The following LY75 variants were observed in gnomAD, a reference collection of about 807,000 sequenced individuals.
LY75 encodes the protein C-type lectin domain family 13 member B.
A neutral mutation model predicts 231.7 loss-of-function variants in LY75; 185 were observed. That is an observed-to-expected ratio of 0.80 (90% CI 0.71 to 0.90). The LOEUF (loss-of-function observed/expected upper bound fraction) is 0.90, where lower values mean the gene tolerates loss of function less well. Ranked by LOEUF, LY75 falls within the 40% of genes least tolerant of loss-of-function variation. The probability of loss-of-function intolerance (pLI) is 0.00; values close to 1 mark genes in which losing one functional copy is unlikely to be tolerated. For synonymous variants in LY75, 668 were observed against 689.0 expected (o/e 0.97, Z 0.48); for missense variants, 1,947 against 2,050.2 (o/e 0.95, Z 0.97).
intron 32 of LY75, 118 bp downstream of exon 32, chr2:159,810,408 G>C: frequency 7.3e-7 from 1 of 1,372,212 alleles, no homozygotes; most frequent in Non-Finnish European, 9.8e-7. Flanking sequence ...AGCGCTATTA[G>C]AAATGGAAAG....
chr2:159,845,951 TA>T (rs1684189553), intron 23 of LY75, among the ~76,000 whole-genome samples: 1 of 151,592 alleles, frequency 6.6e-6, no homozygotes, highest in Non-Finnish European at 1.5e-5. Flanking sequence ...TATATTGCTA[TA>T]TTGTTTTCTC....
chr2:159,877,048 GA>G (rs990083631), intron 11 of LY75, among the ~76,000 whole-genome samples: 1 of 108,640 alleles, frequency 9.2e-6, no homozygotes, highest in Non-Finnish European at 2.0e-5. Context: ...AAAAGAAAAA[GA>G]AAAAAAGAAA....
chr2:159,871,098 G>A (rs1685000998), intron 13 of LY75, among the ~76,000 whole-genome samples: 1 of 152,094 alleles, frequency 6.6e-6, no homozygotes, highest in South Asian at 2.1e-4. Flanking sequence ...TCATCATTAA[G>A]TGTGATATGG....
rs992445267 is a variant in LY75 at position 159,898,760 on chromosome 2, C to T, written c.394G>A (p.Ala132Thr). The T allele has an allele frequency of 2.5e-6, 4 of 1,614,238 alleles. No homozygotes were observed. The highest frequency in any genetic ancestry group is 1.7e-4 in the Middle Eastern group (1 of 6,060). The change falls in exon 2 of 35, where the codon GCA becomes ACA. Residue 132 changes from alanine to threonine, a missense_variant. Physicochemically the swap from Ala to Thr is moderately conservative, Grantham distance 58. Coordinates refer to ENST00000263636, the MANE Select transcript of LY75 (RefSeq NM_002349.4). ...RLALKDGHGT[A>T]ISNASDVWKK... ...CAGACATCAGATGCATTTGAGATTG[C>T]TGTGCCATGTCCATCCTTCAGAGCC... is the stretch of plus-strand genomic sequence containing the variant.
At chr2:159,884,961 C>A (rs190952590) in intron 6 of LY75, among the ~76,000 whole-genome samples, 192 bp downstream of exon 6, 1 of 152,238 alleles carries the variant, frequency 6.6e-6, no homozygotes, top group East Asian at 1.9e-4. Context: ...TTCTTCATTA[C>A]CTCAAATAAA....
At chr2:159,812,657 C>G (rs989425511) in intron 31 of LY75, among the ~76,000 whole-genome samples, 7 of 152,158 alleles carry the variant, frequency 4.6e-5, no homozygotes, top group Non-Finnish European at 1.5e-5. Context: ...AAGCCACCCA[C>G]CTGTCTCAGC....
intron 29 of LY75, among the ~76,000 whole-genome samples, chr2:159,818,881 T>C (rs1683202217): frequency 6.6e-6 from 1 of 152,186 alleles, no homozygotes; most frequent in Non-Finnish European, 1.5e-5. Context: ...AGGATGGGCA[T>C]ACACTGTGCC....
intron 14 of LY75, among the ~76,000 whole-genome samples, chr2:159,863,646 G>A (rs1268690178): frequency 1.3e-5 from 2 of 152,048 alleles, no homozygotes; most frequent in Non-Finnish European, 1.5e-5. Flanking sequence ...AAATCAGATT[G>A]TTTTCTTGCT....
In LY75 at chr2:159,810,645, G is replaced by C. The variant is rs1308449239; in HGVS notation, c.4580C>G (p.Ser1527Ter). Residue 1527 changes from serine to a stop codon, truncating the protein, a stop_gained, in exon 32 of 35, where the codon TCA becomes TGA. Transcript: ENST00000263636. LOFTEE classifies it high-confidence loss of function. ...SKKLSRLTYSSRCPAAKENGS... is the reference protein window; with the variant it reads ...SKKLSRLTYS ...ATTCTCTTTTGCTGCTGGACATCTT[G>C]ATGAATATGTAAGACGGGACAGCTT... is the stretch of plus-strand genomic sequence containing the variant. 1.2e-6 allele frequency: 2 copies of C among 1,613,672 alleles called. No individual in the cohort carries two copies. The highest frequency in any genetic ancestry group is 8.5e-7 in the Non-Finnish European group (1 of 1,179,888).
chr2:159,852,580 G>A (rs909969279), intron 20 of LY75, among the ~76,000 whole-genome samples: 1 of 151,920 alleles, frequency 6.6e-6, no homozygotes, highest in African/African-American at 2.4e-5. Flanking sequence ...TGCCACACCT[G>A]GCTAATTTTT....
chr2:159,834,023 A>G, intron 27 of LY75, 21 bp downstream of exon 27: 1 of 1,609,050 alleles, frequency 6.2e-7, no homozygotes, highest in Non-Finnish European at 8.5e-7. Context: ...CAACATGAGA[A>G]TGGACTAATA....
rs1161892138 is a variant in LY75, at chr2:159,853,338, C to T, written c.2678G>A (p.Trp893Ter). The T allele has an allele frequency of 1.2e-6, 2 of 1,613,332 alleles. No individual in the cohort carries two copies. Among genetic ancestry groups the T allele is most frequent in the East Asian group, 4.5e-5 (2 of 44,842 alleles). Reference sequence around the variant, plus strand: ...TCCAAATGTCACAGGAAAGCGGTGCCATGGATATCGTGAGCTAAAAGAAAA... The same window carrying T: ...TCCAAATGTCACAGGAAAGCGGTGCTATGGATATCGTGAGCTAAAAGAAAA... Reference protein sequence around the residue: ...DDHFTYSRYPWHRFPVTFGEE... With the variant: ...DDHFTYSRYP Residue 893 changes from tryptophan to a stop codon, truncating the protein, a stop_gained, in exon 20 of 35, where the codon TGG (tryptophan) becomes TAG (stop). Transcript: ENST00000263636. LOFTEE classifies it high-confidence loss of function.
At chr2:159,881,055 T>A (rs754810002) in intron 8 of LY75, 28 bp downstream of exon 8, 2 of 1,603,836 alleles carry the variant, frequency 1.2e-6, no homozygotes, top group Non-Finnish European at 1.7e-6. Context: ...ACAGGAAGAA[T>A]ATAAAGAAAC....
At chr2:159,902,115 T>G (rs1296437084) in intron 1 of LY75, among the ~76,000 whole-genome samples, 2 of 152,272 alleles carry the variant, frequency 1.3e-5, no homozygotes, top group African/African-American at 4.8e-5. Flanking sequence ...GAGTAGATTT[T>G]ATTGTATAAA....
intron 13 of LY75, among the ~76,000 whole-genome samples, chr2:159,868,295 T>C (rs1489756149): frequency 3.3e-5 from 5 of 152,196 alleles, no homozygotes; most frequent in African/African-American, 1.2e-4. Context: ...TTTTTCTCTG[T>C]GCTGTTCTGT....
intron 26 of LY75, 86 bp downstream of exon 26, chr2:159,835,394 A>G: frequency 7.3e-7 from 1 of 1,379,002 alleles, no homozygotes; most frequent in Non-Finnish European, 9.4e-7. Flanking sequence ...TTCCAAAACC[A>G]GATTTTATAA....
At chr2:159,817,258 GA>G (rs1683148318) in intron 29 of LY75, among the ~76,000 whole-genome samples, 1 of 152,160 alleles carries the variant, frequency 6.6e-6, no homozygotes, top group Admixed American at 6.5e-5. Context: ...TTTGATTTAA[GA>G]AGCTCATATA....
At chr2:159,860,322 C>T (rs1235441201) in intron 15 of LY75, among the ~76,000 whole-genome samples, 2 of 152,156 alleles carry the variant, frequency 1.3e-5, no homozygotes, top group Non-Finnish European at 2.9e-5. Flanking sequence ...CTTAAAGTGG[C>T]ATCAATCTGA....
intron 21 of LY75, among the ~76,000 whole-genome samples, chr2:159,850,767 A>T (rs1220398826): frequency 1.6e-4 from 7 of 42,652 alleles, no homozygotes; most frequent in African/African-American, 6.7e-4. Flanking sequence ...GCGGTCTTCA[A>T]ACTTTCATAT....
Sources: allele counts gnomAD v4.1 joint callset (sites outside exome capture counted in the v4.1 genomes callset), GRCh38; gene constraint gnomAD v4.1.1; transcripts MANE v1.5; gene names NCBI Gene and HGNC (gene_info 2026-07-23, HGNC 2026-07-21).